Variants in ARL15 observed in about 807,000 individuals in gnomAD.
ARL15 encodes ARF like GTPase 15.
A neutral mutation model predicts 25.2 loss-of-function variants in ARL15; 19 were observed. That is an observed-to-expected ratio of 0.75 (90% confidence interval 0.53 to 1.10). ARL15 has a LOEUF of 1.10. Ranked by LOEUF, ARL15 falls within the 50% of genes least tolerant of loss-of-function variation. ARL15 has a pLI of 0.00. For synonymous variants in ARL15, 94 were observed against 86.8 expected (o/e 1.08, Z -0.46); for missense variants, 220 against 246.0 (o/e 0.89, Z 0.71).
intron 3 of ARL15, among the ~76,000 whole-genome samples, chr5:54,135,913 A>G (rs1296894817): frequency 6.6e-6 from 1 of 152,200 alleles, no homozygotes; most frequent in African/African-American, 2.4e-5. Flanking sequence ...TCTGAGAAGG[A>G]CAGGTTAGAC....
intron 4 of ARL15, among the ~76,000 whole-genome samples, chr5:53,961,042 T>C (rs1382897872): frequency 6.6e-6 from 1 of 152,152 alleles, no homozygotes; most frequent in East Asian, 1.9e-4. Flanking sequence ...AGTTTCTCTA[T>C]CTACATCCAG....
chr5:54,128,161 G>T lies in ARL15; in HGVS notation c.254-14751C>A, dbSNP rs182422948. Among the ~76,000 whole-genome samples the T allele has an allele frequency of 1.6e-3, 249 of 152,282 alleles. 2 individuals are homozygous for T. Among genetic ancestry groups the T allele is most frequent in the Admixed American group, 8.1e-3 (124 of 15,286 alleles). On this transcript the variant is annotated intron_variant, in intron 3 of 4. Transcript: ENST00000504924. The stretch of plus-strand genomic sequence containing the variant: ...GGCTTACCTAGAAAATTCTTATGCA[G>T]ATTTCAAGCCTGAACCCAAACATTA...
At chr5:54,169,120 A>C (rs903768314) in intron 2 of ARL15, among the ~76,000 whole-genome samples, 1 of 152,196 alleles carries the variant, frequency 6.6e-6, no homozygotes, top group African/African-American at 2.4e-5. Context: ...TTATTAAAAA[A>C]TTTCATAAAA....
chr5:54,095,614 A>T (rs1752261998), intron 4 of ARL15, among the ~76,000 whole-genome samples: 1 of 152,214 alleles, frequency 6.6e-6, no homozygotes, highest in African/African-American at 2.4e-5. Context: ...AAACAAAGAT[A>T]GACAGGACAG....
At chr5:54,044,070 C>T (rs1471575685) in intron 4 of ARL15, among the ~76,000 whole-genome samples, 2 of 152,012 alleles carry the variant, frequency 1.3e-5, no homozygotes, top group Non-Finnish European at 2.9e-5. Context: ...CTAGTTCACT[C>T]GCTCATTAAT....
chr5:53,984,023 C>G (rs1199609113), intron 4 of ARL15, among the ~76,000 whole-genome samples: 1 of 152,206 alleles, frequency 6.6e-6, no homozygotes, highest in Non-Finnish European at 1.5e-5. Flanking sequence ...GCTATGTGCA[C>G]AAACTTTTCT....
chr5:54,109,641 T>A (rs35950978), intron 4 of ARL15, among the ~76,000 whole-genome samples: 1,727 of 152,098 alleles, frequency 0.011, 24 homozygotes, highest in Middle Eastern at 0.041. Flanking sequence ...AACAAATTAG[T>A]TACAATTACA....
At chr5:53,970,077 C>T (rs1317245722) in intron 4 of ARL15, among the ~76,000 whole-genome samples, 1 of 152,120 alleles carries the variant, frequency 6.6e-6, no homozygotes, top group Non-Finnish European at 1.5e-5. Flanking sequence ...TAATATCTCA[C>T]AGGCTTCATA....
At chr5:54,268,979 C>A (rs1364998429) in intron 1 of ARL15, among the ~76,000 whole-genome samples, 2 of 151,960 alleles carry the variant, frequency 1.3e-5, no homozygotes, top group Admixed American at 6.6e-5. Context: ...GAACAAAAAA[C>A]CAAACACCGC....
chr5:54,122,881 A>C (rs371645222), intron 3 of ARL15, among the ~76,000 whole-genome samples: 75 of 152,194 alleles, frequency 4.9e-4, no homozygotes, highest in African/African-American at 1.7e-3. Context: ...CTACTAAATA[A>C]TTTTTATAAA....
chr5:54,080,991 T>G (rs1751781312), intron 4 of ARL15, among the ~76,000 whole-genome samples: 1 of 152,164 alleles, frequency 6.6e-6, no homozygotes, highest in African/African-American at 2.4e-5. Context: ...CTTTCACTCC[T>G]TCTTCCTCTT....
chr5:53,983,379 C>T (rs1314085530), intron 4 of ARL15, among the ~76,000 whole-genome samples: 1 of 152,146 alleles, frequency 6.6e-6, no homozygotes, highest in Non-Finnish European at 1.5e-5. Flanking sequence ...GATCTGCTCT[C>T]CAAATTTATG....
At chr5:53,925,250 G>T (rs550859766) in intron 4 of ARL15, among the ~76,000 whole-genome samples, 6 of 151,474 alleles carry the variant, frequency 4.0e-5, no homozygotes, top group Admixed American at 2.0e-4. Flanking sequence ...ACGCTGGAGT[G>T]CAGTGGTGCA....
intron 4 of ARL15, among the ~76,000 whole-genome samples, chr5:54,086,479 T>C (rs1243951739): frequency 7.9e-5 from 12 of 151,846 alleles, no homozygotes; most frequent in African/African-American, 2.9e-4. Context: ...TCGCAGTAGC[T>C]TAAATAGACA....
intron 4 of ARL15, among the ~76,000 whole-genome samples, chr5:53,962,802 A>G (rs1715729378): frequency 6.6e-6 from 1 of 152,200 alleles, no homozygotes; most frequent in Admixed American, 6.5e-5. Context: ...TCCTATGGAT[A>G]TTAGAAGAAA....
chr5:54,219,978 C>T (rs139093676), intron 1 of ARL15, among the ~76,000 whole-genome samples: 242 of 152,150 alleles, frequency 1.6e-3, no homozygotes, highest in African/African-American at 5.3e-3. Flanking sequence ...CAATGACTTG[C>T]TGAATGTCAG....
chr5:54,036,579 T>C (rs970836216), intron 4 of ARL15, among the ~76,000 whole-genome samples: 1 of 151,510 alleles, frequency 6.6e-6, no homozygotes, highest in Non-Finnish European at 1.5e-5. Flanking sequence ...GTGAACTCAC[T>C]TGGGGGAAAA....
chr5:53,904,905 T>G (rs1287522933), intron 4 of ARL15, among the ~76,000 whole-genome samples: 1 of 151,996 alleles, frequency 6.6e-6, no homozygotes, highest in African/African-American at 2.4e-5. Context: ...TTTTTGTATT[T>G]TTAGTAGAGA....
At chr5:53,936,895 A>G (rs552422556) in intron 4 of ARL15, among the ~76,000 whole-genome samples, 7 of 152,334 alleles carry the variant, frequency 4.6e-5, no homozygotes, top group African/African-American at 1.7e-4. Flanking sequence ...GCTTTACTTT[A>G]AAAAGACTAA....
Sources: allele counts gnomAD v4.1 joint callset (sites outside exome capture counted in the v4.1 genomes callset), GRCh38; gene constraint gnomAD v4.1.1; transcripts MANE v1.5; gene names NCBI Gene and HGNC (gene_info 2026-07-23, HGNC 2026-07-21).